Variants in MPP7 observed in about 807,000 individuals in gnomAD.
MPP7 encodes the protein MAGUK p55 subfamily member 7.
MPP7 carries 60 observed loss-of-function variants against 76.5 expected under a neutral mutation model. That is an observed-to-expected ratio of 0.78 (90% CI 0.64 to 0.97). MPP7 has a LOEUF of 0.97. Ranked by LOEUF, MPP7 falls within the 50% of genes least tolerant of loss-of-function variation. MPP7 has a pLI of 0.00. For missense variants in MPP7, 641 were observed against 694.0 expected (o/e 0.92, Z 0.86); for synonymous variants, 237 against 244.5 (o/e 0.97, Z 0.29).
At chr10:28,156,686 G>T (rs1564664345) in intron 3 of MPP7, among the ~76,000 whole-genome samples, 1 of 152,130 alleles carries the variant, frequency 6.6e-6, no homozygotes, top group Non-Finnish European at 1.5e-5. Context: ...GATGGAAAGG[G>T]TGCAAGACCA....
chr10:28,217,766 G>A (rs1838362487), intron 2 of MPP7, among the ~76,000 whole-genome samples: 1 of 152,064 alleles, frequency 6.6e-6, no homozygotes, highest in Non-Finnish European at 1.5e-5. Context: ...TGAGAATAAA[G>A]TCCTCATGCT....
intron 1 of MPP7, among the ~76,000 whole-genome samples, chr10:28,239,876 T>G (rs891603775): frequency 6.6e-6 from 1 of 152,186 alleles, no homozygotes; most frequent in Non-Finnish European, 1.5e-5. Context: ...TTAGAACTAT[T>G]TGGTAATTAA....
Position 28,059,240 on chromosome 10 carries a change from T to G in MPP7, c.1298+410A>C, listed in dbSNP as rs1206813219. Among the ~76,000 whole-genome samples, 4 of 152,316 alleles carry G rather than the reference T, an allele frequency of 2.6e-5. No individual in the cohort carries two copies. In the East Asian group the frequency reaches 7.7e-4, roughly 29 times the overall value. On this transcript the variant is annotated intron_variant, in intron 14 of 16. Transcript: ENST00000683449. Reference sequence around the variant, plus strand: ...AGCAAGTTAATTATCATCATTTCAATTTTTTGAAGAGCCAATGAGAGAATG... The same window carrying G: ...AGCAAGTTAATTATCATCATTTCAAGTTTTTGAAGAGCCAATGAGAGAATG...
chr10:28,110,692 T>C (rs1328950321), intron 11 of MPP7, among the ~76,000 whole-genome samples: 4 of 152,224 alleles, frequency 2.6e-5, no homozygotes, highest in Non-Finnish European at 5.9e-5. Flanking sequence ...TTAAAAACTT[T>C]ATTTAAGTAG....
chr10:28,079,706 C>CT (rs1852670212), intron 12 of MPP7, among the ~76,000 whole-genome samples: 1 of 152,124 alleles, frequency 6.6e-6, no homozygotes, highest in Non-Finnish European at 1.5e-5. Context: ...CAATTCTGTA[C>CT]TTATTTACAT....
intron 3 of MPP7, among the ~76,000 whole-genome samples, chr10:28,151,517 T>C (rs1372197926): frequency 6.6e-6 from 1 of 152,224 alleles, no homozygotes; most frequent in Non-Finnish European, 1.5e-5. Context: ...CTAACCTGAC[T>C]GCAGTTACTT....
chr10:28,054,072 T>C lies in MPP7; in HGVS notation c.1724A>G (p.His575Arg), dbSNP rs778166162. The C allele has an allele frequency of 1.9e-6, 3 of 1,612,482 alleles. No homozygotes were observed. Among genetic ancestry groups the C allele is most frequent in the East Asian group, 2.2e-5 (1 of 44,854 alleles). ...ETHWVPVSWL[H>R]S ...TATGGAAATTTCTCTTAGTTATGAATGTAACCAGCTCACTGGCACCCAATG... is the reference window on the plus strand; with the variant it reads ...TATGGAAATTTCTCTTAGTTATGAACGTAACCAGCTCACTGGCACCCAATG... Residue 575 changes from histidine to arginine, a missense_variant, in exon 17 of 17, where the codon CAT becomes CGT. His to Arg is a conservative substitution (Grantham distance 29, BLOSUM62 0). Coordinates refer to ENST00000683449, the MANE Select transcript of MPP7 (RefSeq NM_001318170.2).
At chr10:28,320,448 T>C (rs1027757817) in intron 2 of MPP7, among the ~76,000 whole-genome samples, 1 of 152,050 alleles carries the variant, frequency 6.6e-6, no homozygotes, top group Non-Finnish European at 1.5e-5. Flanking sequence ...TTAGGACAAT[T>C]AATCTTATAG....
chr10:28,193,879 TA>T (rs34829059), intron 3 of MPP7, among the ~76,000 whole-genome samples: 20,200 of 148,806 alleles, frequency 0.14, 1,967 homozygotes, highest in East Asian at 0.54. Context: ...TGGCTAAAAT[TA>T]AAAAAAAAAA....
intron 1 of MPP7, among the ~76,000 whole-genome samples, chr10:28,240,029 C>T (rs1839213172): frequency 6.6e-6 from 1 of 151,926 alleles, no homozygotes; most frequent in South Asian, 2.1e-4. Flanking sequence ...TTTACATTGG[C>T]CTAACACCTA....
At chr10:28,259,810 A>T (rs972349808) in intron 1 of MPP7, among the ~76,000 whole-genome samples, 2 of 151,662 alleles carry the variant, frequency 1.3e-5, no homozygotes, top group Non-Finnish European at 2.9e-5. Flanking sequence ...ACAAAATCCC[A>T]TCTCTACAAA....
chr10:28,055,738 G>T lies in MPP7; in HGVS notation c.1551+742C>A, dbSNP rs1271292842. ...GGCACATTATTAAATTTTTCATTTG[G>T]ACTCTTAATGAGTAACAGTTACTGA... On this transcript the variant is annotated intron_variant, in intron 16 of 16. Transcript: ENST00000683449. Among the ~76,000 whole-genome samples the T allele has an allele frequency of 5.9e-5, 9 of 152,248 alleles. No homozygotes were observed. The East Asian group carries it at 1.5e-3, about 26-fold the overall frequency.
At position 28,276,060 on chromosome 10, in the gene MPP7, T is replaced by C. The variant is rs558994113; in HGVS notation, c.-132+26801A>G. 7.8e-4 allele frequency among the ~76,000 whole-genome samples: 116 copies of C among 148,636 alleles called. 2 individuals are homozygous for C. The highest frequency in any genetic ancestry group is 2.7e-3 in the African/African-American group (108 of 39,404). ...TTTTTTTTTTTTTTGAGATGGAGTC[T>C]TGCTCTGTTGTCCAGGCTGGAGTGC... is the stretch of plus-strand genomic sequence containing the variant. On this transcript the variant is annotated intron_variant, in intron 1 of 16. Transcript: ENST00000683449.
intron 3 of MPP7, among the ~76,000 whole-genome samples, chr10:28,179,912 G>C (rs1412333693): frequency 6.6e-6 from 1 of 152,036 alleles, no homozygotes; most frequent in African/African-American, 2.4e-5. Flanking sequence ...TTTAAAGTTG[G>C]CAGTTAACAT....
intron 11 of MPP7, among the ~76,000 whole-genome samples, chr10:28,109,873 A>AAAAAC (rs1834449365): frequency 7.0e-6 from 1 of 143,170 alleles, no homozygotes; most frequent in Non-Finnish European, 1.5e-5. Context: ...AAAAAAAAAA[A>AAAAAC]CACTTAAAAC....
chr10:28,288,236 T>A (rs910330934), intron 1 of MPP7, among the ~76,000 whole-genome samples: 2 of 152,152 alleles, frequency 1.3e-5, no homozygotes, highest in African/African-American at 2.4e-5. Context: ...AGGGTTATTA[T>A]GTTTTGATTT....
At chr10:28,178,193 A>C (rs1836939678) in intron 3 of MPP7, among the ~76,000 whole-genome samples, 1 of 152,088 alleles carries the variant, frequency 6.6e-6, no homozygotes, top group Non-Finnish European at 1.5e-5. Context: ...CCTAGATGCC[A>C]GCAGTACCCC....
intron 2 of MPP7, among the ~76,000 whole-genome samples, chr10:28,314,106 T>G (rs560593535): frequency 1.3e-5 from 2 of 152,296 alleles, no homozygotes; most frequent in East Asian, 3.9e-4. Flanking sequence ...TTGATTTTTC[T>G]TAGGTTCTAT....
At chr10:28,235,330 AAC>A (rs869278333) in intron 2 of MPP7, among the ~76,000 whole-genome samples, 12 of 149,722 alleles carry the variant, frequency 8.0e-5, no homozygotes, top group East Asian at 4.7e-4. Context: ...AGATGCTAAT[AAC>A]AGGGGAAACT....
Sources: gnomAD v4.1 joint callset for allele counts (sites outside exome capture counted in the v4.1 genomes callset) on GRCh38, gnomAD v4.1.1 for gene constraint, MANE v1.5 for transcripts, NCBI Gene and HGNC (gene_info 2026-07-23, HGNC 2026-07-21) for gene names.